The following TOR1AIP1 variants were observed in gnomAD, a reference collection of about 807,000 sequenced individuals.
TOR1AIP1 encodes torsin 1A interacting protein 1, also known as torsin-1A-interacting protein 1.
TOR1AIP1 carries 54 observed loss-of-function variants against 63.3 expected under a neutral mutation model. The observed-to-expected ratio is 0.85, with a 90% CI of 0.69 to 1.07. The LOEUF (loss-of-function observed/expected upper bound fraction) is 1.07, where lower values mean the gene tolerates loss of function less well. Among genes scored for constraint, TOR1AIP1 ranks in the 50% least tolerant of loss-of-function variants. The pLI, the probability that TOR1AIP1 is intolerant of heterozygous loss-of-function variation, is 0.00. For missense variants in TOR1AIP1, 736 were observed against 715.0 expected (o/e 1.03, Z -0.33); for synonymous variants, 294 against 273.5 (o/e 1.07, Z -0.74).
intron 2 of TOR1AIP1, among the ~76,000 whole-genome samples, chr1:179,886,250 G>C (rs903461980): frequency 6.6e-6 from 1 of 152,194 alleles, no homozygotes; most frequent in African/African-American, 2.4e-5. Context: ...AAATTATGGA[G>C]TTAAGTAAAT....
intron 9 of TOR1AIP1, 36 bp downstream of exon 9, chr1:179,914,090 T>C: frequency 2.5e-6 from 4 of 1,577,546 alleles, no homozygotes; most frequent in Non-Finnish European, 3.5e-6. Context: ...TAAATATTTC[T>C]GTAAAATTGG....
chr1:179,899,181 A>T (rs977513975), intron 3 of TOR1AIP1, among the ~76,000 whole-genome samples: 4 of 152,112 alleles, frequency 2.6e-5, no homozygotes, highest in Non-Finnish European at 5.9e-5. Flanking sequence ...AGTCTAAATC[A>T]TGCTACTTCT....
chr1:179,894,128 G>A (rs1462703728), intron 3 of TOR1AIP1, among the ~76,000 whole-genome samples: 1 of 151,746 alleles, frequency 6.6e-6, no homozygotes, highest in African/African-American at 2.4e-5. Context: ...GCGGGCACCT[G>A]TAGTCCCAGC....
intron 2 of TOR1AIP1, among the ~76,000 whole-genome samples, chr1:179,885,407 G>A (rs1180785345): frequency 1.3e-5 from 2 of 152,212 alleles, no homozygotes; most frequent in Non-Finnish European, 2.9e-5. Context: ...TAACATGGAA[G>A]TAGGCTACAT....
In TOR1AIP1 at chr1:179,918,002, T is replaced by C. The variant is rs1649077641; in HGVS notation, c.1515T>C (p.Asp505=). 2 of 1,614,242 alleles carry C rather than the reference T, an allele frequency of 1.2e-6. No homozygotes were observed. Among genetic ancestry groups the C allele is most frequent in the Non-Finnish European group, 1.7e-6 (2 of 1,180,048 alleles). Residue 505 remains aspartate, a synonymous_variant, in exon 10 of 10, where the codon GAT becomes GAC. Coordinates refer to ENST00000606911, the MANE Select transcript of TOR1AIP1 (RefSeq NM_015602.4). The part of the protein sequence containing the change: ...YCDHENAAFK[D]VALVLTVLLE... ...ACCATGAAAACGCGGCCTTCAAAGA[T>C]GTAGCCTTAGTCCTGACTGTCTTAT... is the stretch of plus-strand genomic sequence containing the variant.
At chr1:179,913,960 A>T (rs751335720) in intron 8 of TOR1AIP1, 38 bp from the exon 9 acceptor site, 1 of 1,562,410 alleles carries the variant, frequency 6.4e-7, no homozygotes, top group Admixed American at 1.8e-5. Context: ...ATTATGAAGC[A>T]TAAGTTGATA....
intron 3 of TOR1AIP1, among the ~76,000 whole-genome samples, chr1:179,892,539 C>T (rs1648128193): frequency 1.3e-5 from 2 of 151,678 alleles, no homozygotes; most frequent in South Asian, 4.2e-4. Flanking sequence ...AGATCGAGAT[C>T]ATCCTGGCTA....
intron 3 of TOR1AIP1, among the ~76,000 whole-genome samples, chr1:179,896,926 G>T (rs906891652): frequency 1.3e-5 from 2 of 152,252 alleles, no homozygotes; most frequent in Admixed American, 1.3e-4. Context: ...AAATGTATCT[G>T]TAGCCAAGAC....
chr1:179,897,686 CTG>C (rs1408207408), intron 3 of TOR1AIP1, among the ~76,000 whole-genome samples: 1 of 152,080 alleles, frequency 6.6e-6, no homozygotes, highest in Non-Finnish European at 1.5e-5. Context: ...AAACATAACA[CTG>C]AAATATAAAT....
At chr1:179,907,623 A>G (rs1380849923) in intron 6 of TOR1AIP1, among the ~76,000 whole-genome samples, 200 bp from the exon 7 acceptor site, 2 of 23,350 alleles carry the variant, frequency 8.6e-5, no homozygotes, top group Non-Finnish European at 2.2e-4. Flanking sequence ...ATATATGTAT[A>G]TATATGTATA....
intron 5 of TOR1AIP1, 106 bp downstream of exon 5, chr1:179,901,494 A>G: frequency 1.9e-6 from 1 of 532,698 alleles, no homozygotes; most frequent in East Asian, 3.2e-5. Context: ...ATACTTTATA[A>G]AAAGTCGTGA....
chr1:179,904,369 A>G (rs938339976), intron 6 of TOR1AIP1, among the ~76,000 whole-genome samples: 2 of 152,218 alleles, frequency 1.3e-5, no homozygotes, highest in African/African-American at 2.4e-5. Context: ...TAAGGACATA[A>G]AATTTTATAT....
intron 9 of TOR1AIP1, 77 bp from the exon 10 acceptor site, chr1:179,917,375 A>G: frequency 1.6e-6 from 2 of 1,237,388 alleles, no homozygotes; most frequent in Non-Finnish European, 2.3e-6. Context: ...AAAGACTGAT[A>G]TTGATTTTAA....
At chr1:179,903,564 G>A (rs569483645) in intron 5 of TOR1AIP1, among the ~76,000 whole-genome samples, 149 of 151,142 alleles carry the variant, frequency 9.9e-4, no homozygotes, top group African/African-American at 3.5e-3. Context: ...CTGGAGTACA[G>A]TGGTGCGATC....
rs1571723674 is a variant in TOR1AIP1, at chr1:179,890,089, G to A, written c.610+720G>A. 3.3e-5 allele frequency among the ~76,000 whole-genome samples: 5 copies of A among 152,070 alleles called. No homozygotes were observed. In the South Asian group the frequency reaches 6.2e-4, roughly 19 times the overall value. On this transcript the variant is annotated intron_variant, in intron 3 of 9. Transcript: ENST00000606911. ...ATTCTTTATGATGATTTTAAACTAT[G>A]GTCAGGGACTTTATTCTTCCAGTAT...
chr1:179,908,053 C>T (rs901827564), intron 7 of TOR1AIP1, among the ~76,000 whole-genome samples, 189 bp downstream of exon 7: 2 of 151,262 alleles, frequency 1.3e-5, no homozygotes, highest in South Asian at 2.1e-4. Flanking sequence ...GGACTACAGG[C>T]GCCCGCCACC....
chr1:179,900,059 G>A, intron 3 of TOR1AIP1, 67 bp from the exon 4 acceptor site: 2 of 1,263,008 alleles, frequency 1.6e-6, no homozygotes, highest in South Asian at 2.6e-5. Context: ...CTAAGCTTTT[G>A]TTTATTCCTA....
At chr1:179,913,964 G>A (rs1439325297) in intron 8 of TOR1AIP1, 34 bp from the exon 9 acceptor site, 1 of 1,569,330 alleles carries the variant, frequency 6.4e-7, no homozygotes, top group East Asian at 2.2e-5. Flanking sequence ...TGAAGCATAA[G>A]TTGATAGTCT....
intron 9 of TOR1AIP1, 60 bp downstream of exon 9, chr1:179,914,114 T>C: frequency 6.8e-7 from 1 of 1,474,958 alleles, no homozygotes; most frequent in Non-Finnish European, 9.4e-7. Flanking sequence ...TCCATAATTG[T>C]TTAAAAATGT....
Sources: gnomAD v4.1 joint callset for allele counts (sites outside exome capture counted in the v4.1 genomes callset) on GRCh38, gnomAD v4.1.1 for gene constraint, MANE v1.5 for transcripts, NCBI Gene and HGNC (gene_info 2026-07-23, HGNC 2026-07-21) for gene names.